The following NRXN1 variants were observed in gnomAD, a reference collection of about 807,000 sequenced individuals.
NRXN1 encodes neurexin-1.
A neutral mutation model predicts 150.9 loss-of-function variants in NRXN1; 39 were observed. The ratio of observed to expected loss-of-function variants is 0.26; its 90% CI spans 0.20 to 0.34. NRXN1 has a LOEUF of 0.34. Ranked by LOEUF, NRXN1 falls within the 10% of genes least tolerant of loss-of-function variation. The pLI, the probability that NRXN1 is intolerant of heterozygous loss-of-function variation, is 1.00. For synonymous variants in NRXN1, 924 were observed against 757.0 expected (o/e 1.22, Z -3.62); for missense variants, 1,815 against 1,949.9 (o/e 0.93, Z 1.30).
At chr2:50,477,579 T>C (rs1256372671) in intron 15 of NRXN1, among the ~76,000 whole-genome samples, 1 of 152,204 alleles carries the variant, frequency 6.6e-6, no homozygotes, top group Non-Finnish European at 1.5e-5. Flanking sequence ...AGTAGCAGAA[T>C]GCAAGTGTCA....
At chr2:50,447,737 TTATATATATATATATA>T (rs70948710) in intron 17 of NRXN1, among the ~76,000 whole-genome samples, 620 of 37,932 alleles carry the variant, frequency 0.016, 52 homozygotes, top group African/African-American at 0.039. Flanking sequence ...CAGGGGAACG[TTATATATATATATATA>T]TATATATATA....
chr2:50,347,356 C>T lies in NRXN1; in HGVS notation c.3365-110386G>A, dbSNP rs1295744049. On this transcript the variant is annotated intron_variant, in intron 17 of 22. Transcript: ENST00000401669. The surrounding 1 kb of genome is among the most constrained non-coding windows in gnomAD (Gnocchi z 4.9). ...TAAAGCTCCTCCTGGAAGGTCCTCACTTCTACATGACAGACATCCACCGCG... is the reference window on the plus strand; with the variant it reads ...TAAAGCTCCTCCTGGAAGGTCCTCATTTCTACATGACAGACATCCACCGCG... 3 of 1,219,230 alleles carry T rather than the reference C, an allele frequency of 2.5e-6. No individual in the cohort carries two copies. The Middle Eastern group carries it at 7.0e-4, about 284-fold the overall frequency. 75.5% of individuals were successfully genotyped at this position (1,219,230 alleles called of 1,614,324 possible). A position where few individuals can be genotyped will look rare whatever the true frequency, so the allele number is the denominator to read the frequency against.
intron 17 of NRXN1, among the ~76,000 whole-genome samples, chr2:50,416,709 G>T (rs373588455): frequency 2.0e-4 from 31 of 151,980 alleles, no homozygotes; most frequent in Non-Finnish European, 2.6e-4. Flanking sequence ...TGGCAGGAAG[G>T]AGAAGTCCCA....
At chr2:50,728,019 C>G (rs1249033945) in intron 5 of NRXN1, among the ~76,000 whole-genome samples, 1 of 152,126 alleles carries the variant, frequency 6.6e-6, no homozygotes, top group Non-Finnish European at 1.5e-5. Flanking sequence ...ATTATGGAAA[C>G]AGAATCTGTA....
chr2:50,373,975 G>A (rs1188617632), intron 17 of NRXN1, among the ~76,000 whole-genome samples: 1 of 152,020 alleles, frequency 6.6e-6, no homozygotes, highest in Non-Finnish European at 1.5e-5. Flanking sequence ...GATTGAAAGG[G>A]TTAGGGTTAC....
intron 5 of NRXN1, among the ~76,000 whole-genome samples, chr2:50,709,901 G>T (rs775785381): frequency 2.0e-5 from 3 of 152,124 alleles, no homozygotes; most frequent in African/African-American, 7.2e-5. Flanking sequence ...TAGAATGAAG[G>T]TCCTTTATTG....
chr2:50,743,546 A>C (rs1047215561), intron 5 of NRXN1, among the ~76,000 whole-genome samples: 1 of 152,210 alleles, frequency 6.6e-6, no homozygotes, highest in African/African-American at 2.4e-5. Flanking sequence ...AGCACTTCCC[A>C]CATCAATTTT....
At chr2:50,853,672 ATGTC>A (rs946684414) in intron 5 of NRXN1, among the ~76,000 whole-genome samples, 1 of 152,108 alleles carries the variant, frequency 6.6e-6, no homozygotes, top group African/African-American at 2.4e-5. Context: ...ATAAACTCAG[ATGTC>A]TAGCTTTCCC....
chr2:50,399,133 G>C (rs774056578), intron 17 of NRXN1, among the ~76,000 whole-genome samples: 4 of 152,040 alleles, frequency 2.6e-5, no homozygotes, highest in Non-Finnish European at 5.9e-5. Context: ...AGATTTTAAA[G>C]GGTTGAGTTT....
chr2:50,201,861 C>T (rs1397777248), intron 18 of NRXN1, among the ~76,000 whole-genome samples: 1 of 152,144 alleles, frequency 6.6e-6, no homozygotes, highest in Admixed American at 6.5e-5. Context: ...ACTTACAGAG[C>T]TAGCATCACA....
chr2:50,626,106 T>C (rs921355203), intron 5 of NRXN1, among the ~76,000 whole-genome samples: 3 of 151,982 alleles, frequency 2.0e-5, no homozygotes, highest in Admixed American at 6.6e-5. Flanking sequence ...AGCAAATATA[T>C]TGCACAAATT....
chr2:50,877,493 G>C (rs1220883486), intron 5 of NRXN1, among the ~76,000 whole-genome samples: 2 of 151,794 alleles, frequency 1.3e-5, no homozygotes, highest in East Asian at 1.9e-4. Context: ...CATCTTTTCT[G>C]AATCACTGCA....
intron 5 of NRXN1, among the ~76,000 whole-genome samples, chr2:50,765,546 G>A (rs1304001638): frequency 1.3e-5 from 2 of 152,070 alleles, no homozygotes; most frequent in African/African-American, 4.8e-5. Context: ...CCGTAGGCTA[G>A]TGAGCCATGT....
chr2:50,049,423 T>C (rs1289853983), intron 21 of NRXN1, among the ~76,000 whole-genome samples: 2 of 152,174 alleles, frequency 1.3e-5, no homozygotes, highest in Non-Finnish European at 2.9e-5. Context: ...AGTACAATGA[T>C]GTGACCCAAG....
At chr2:50,123,932 G>C (rs1401989739) in intron 18 of NRXN1, among the ~76,000 whole-genome samples, 1 of 152,072 alleles carries the variant, frequency 6.6e-6, no homozygotes, top group African/African-American at 2.4e-5. Context: ...AAGGGGATGT[G>C]AGTTTAGAAT....
intron 9 of NRXN1, among the ~76,000 whole-genome samples, chr2:50,544,119 T>C (rs978172095): frequency 6.6e-6 from 1 of 151,978 alleles, no homozygotes; most frequent in African/African-American, 2.4e-5. Context: ...CTATACTTAA[T>C]TCTGCTCCAC....
chr2:50,163,266 C>G (rs1018816316), intron 18 of NRXN1, among the ~76,000 whole-genome samples: 3 of 151,406 alleles, frequency 2.0e-5, no homozygotes, highest in Admixed American at 1.3e-4. Context: ...TAGCAGACGT[C>G]CAATGATACA....
At chr2:50,551,725 T>C (rs1308924325) in intron 9 of NRXN1, among the ~76,000 whole-genome samples, 1 of 152,106 alleles carries the variant, frequency 6.6e-6, no homozygotes, top group African/African-American at 2.4e-5. Context: ...TGTAGTTGTA[T>C]ACTTAAAACA....
intron 2 of NRXN1, among the ~76,000 whole-genome samples, chr2:50,986,678 T>A (rs1426796722): frequency 1.3e-5 from 2 of 151,636 alleles, no homozygotes; most frequent in East Asian, 1.9e-4. Context: ...AATATCTAGG[T>A]CTTTTTTAAA....
Sources: allele counts gnomAD v4.1 joint callset (sites outside exome capture counted in the v4.1 genomes callset), GRCh38; gene constraint gnomAD v4.1.1; non-coding constraint Gnocchi (gnomAD v3.1); transcripts MANE v1.5; gene names NCBI Gene and HGNC (gene_info 2026-07-23, HGNC 2026-07-21).